ISLR2: variants seen among roughly 807,000 people sequenced by gnomAD.
ISLR2 encodes immunoglobulin superfamily containing leucine-rich repeat protein 2.
Under a neutral mutation model 25.5 loss-of-function variants are expected in ISLR2, and 16 were observed. The ratio of observed to expected loss-of-function variants is 0.63; its 90% CI spans 0.43 to 0.95. The LOEUF is 0.95. Among genes scored for constraint, ISLR2 ranks in the 40% least tolerant of loss-of-function variants. ISLR2 has a pLI of 0.00. For synonymous variants in ISLR2, 508 were observed against 486.6 expected, an observed-to-expected ratio of 1.04 and a Z score of -0.58; for missense variants, 883 against 1,030.7, an observed-to-expected ratio of 0.86 and a Z score of 1.96.
chr15:74,103,915 G>A (rs1159101298), intron 2 of ISLR2: 2 of 151,544 alleles, frequency 1.3e-5, no homozygotes, highest in Non-Finnish European at 2.9e-5. Context: ...TGCCATAATT[G>A]TAAGTTTCCT....
At chr15:74,118,935 G>A (rs2072232009) in intron 2 of ISLR2, among the ~76,000 whole-genome samples, 1 of 152,080 alleles carries the variant, frequency 6.6e-6, no homozygotes, top group Non-Finnish European at 1.5e-5. Flanking sequence ...CGGATTACCA[G>A]TCTGAGCCAC....
In ISLR2 at chr15:74,133,454, A is replaced by G. The variant is rs2072476796; in HGVS notation, c.700A>G (p.Ser234Gly). 1 of 1,611,376 alleles carries G rather than the reference A, an allele frequency of 6.2e-7. No individual in the cohort carries two copies. The highest frequency in any genetic ancestry group is 1.3e-5 in the African/African-American group (1 of 74,910). Reference sequence around the variant, plus strand: ...GCCCGCCCTGCCCTGTGCACCGCCCAGCGTGCATCTGAGTGCCGAGCCACC... The same window carrying G: ...GCCCGCCCTGCCCTGTGCACCGCCCGGCGTGCATCTGAGTGCCGAGCCACC... Reference protein sequence around the residue: ...RLPALPCAPPSVHLSAEPPLE... With the variant: ...RLPALPCAPPGVHLSAEPPLE... Residue 234 changes from serine (S) to glycine (G), a missense_variant, in exon 3 of 3, where the codon AGC becomes GGC. Physicochemically the swap from Ser to Gly is moderately conservative, Grantham distance 56. Transcript: ENST00000453268.
downstream of ISLR2, among the ~76,000 whole-genome samples, chr15:74,138,053 T>C (rs2072587163): frequency 6.6e-6 from 1 of 152,168 alleles, no homozygotes; most frequent in South Asian, 2.1e-4. Flanking sequence ...ATTCACATAA[T>C]GCTTTGTTCC....
At position 74,132,772 on chromosome 15, in the gene ISLR2, C is replaced by T; in HGVS notation, c.18C>T (p.Ala6=). The part of the protein sequence containing the change: MFPLR[A]LWLVWALLGV... The stretch of plus-strand genomic sequence containing the variant: ...GAGCCGCGATGTTCCCCCTTCGGGC[C>T]CTGTGGTTGGTCTGGGCGCTTCTAG... The change falls in exon 3 of 3, where the codon GCC becomes GCT. Residue 6 remains alanine (A), a synonymous_variant. Transcript: ENST00000453268. This position sits in a 1 kb window ranked among gnomAD's most constrained non-coding sequence, Gnocchi z 4.3. 6.2e-7 allele frequency: 1 copy of T among 1,610,960 alleles called. No individual in the cohort carries two copies. Among genetic ancestry groups the T allele is most frequent in the South Asian group, 1.1e-5 (1 of 91,056 alleles).
upstream of ISLR2, among the ~76,000 whole-genome samples, chr15:74,124,639 A>G (rs1426083910): frequency 6.6e-6 from 1 of 152,118 alleles, no homozygotes; most frequent in Non-Finnish European, 1.5e-5. Context: ...CGCACCTGTA[A>G]TCCAAGCAAC....
At chr15:74,137,933 T>C (rs1010665738), downstream of ISLR2, among the ~76,000 whole-genome samples, 1 of 152,156 alleles carries the variant, frequency 6.6e-6, no homozygotes, top group African/African-American at 2.4e-5. Flanking sequence ...CCAGCAAAGC[T>C]GTTTTCTTTC....
chr15:74,134,537 G>A lies in ISLR2; in HGVS notation c.1783G>A (p.Ala595Thr), dbSNP rs770825113. The change falls in exon 3 of 3, where the codon GCA (alanine) becomes ACA (threonine). Residue 595 changes from alanine (A) to threonine (T), a missense_variant. Physicochemically the swap from Ala to Thr is moderately conservative, Grantham distance 58. Transcript: ENST00000453268. ...GCTCCCATCGCTGCTGGTCATAGTGGCAGTGAGCGTATTCCTCCTGGTGCT... is the reference window on the plus strand; with the variant it reads ...GCTCCCATCGCTGCTGGTCATAGTGACAGTGAGCGTATTCCTCCTGGTGCT... ...KELPSLLVIV[A>T]VSVFLLVLAT... is the part of the protein sequence containing the mutation. 2 of 1,614,010 alleles carry A rather than the reference G, an allele frequency of 1.2e-6. No homozygotes were observed. The highest frequency in any genetic ancestry group is 1.1e-5 in the South Asian group (1 of 91,092).
chr15:74,114,452 GATA>G (rs1453023165), intron 2 of ISLR2, among the ~76,000 whole-genome samples: 3 of 152,088 alleles, frequency 2.0e-5, no homozygotes, highest in African/African-American at 7.2e-5. Context: ...TAACTTCACT[GATA>G]ATAAGAAAGA....
upstream of ISLR2, among the ~76,000 whole-genome samples, chr15:74,124,940 C>T (rs953652163): frequency 6.6e-6 from 1 of 152,258 alleles, no homozygotes; most frequent in East Asian, 1.9e-4. Context: ...AATCAACAGC[C>T]GGGAAGCCAG....
At chr15:74,119,108 G>A (rs539874486) in intron 2 of ISLR2, among the ~76,000 whole-genome samples, 1 of 152,212 alleles carries the variant, frequency 6.6e-6, no homozygotes, top group East Asian at 1.9e-4. Flanking sequence ...TGGGGGCATT[G>A]AAAATCCACT....
At chr15:74,118,115 C>T (rs1048123722) in intron 2 of ISLR2, among the ~76,000 whole-genome samples, 2 of 152,030 alleles carry the variant, frequency 1.3e-5, no homozygotes, top group Non-Finnish European at 2.9e-5. Context: ...CCCTAAGTGT[C>T]GGCTGGTCTG....
chr15:74,135,554 T>C lies in ISLR2; in HGVS notation c.*562T>C, dbSNP rs1352038734. 2 of 161,764 alleles carry C rather than the reference T, an allele frequency of 1.2e-5. No homozygotes were observed. Among genetic ancestry groups the C allele is most frequent in the Non-Finnish European group, 2.9e-5 (2 of 68,130 alleles). The allele number at this position is 161,764 out of a possible 1,614,324, so 10.0% of individuals were successfully genotyped here. On this transcript the variant is annotated 3_prime_UTR_variant, in exon 3 of 3. Coordinates refer to ENST00000453268, the MANE Select transcript of ISLR2 (RefSeq NM_020851.3). ...GTCTTGGTCTGTCGCCAGGCTGGAG[T>C]GCAGTGGCGCGATCTCGGCTCACTG... is the stretch of plus-strand genomic sequence containing the variant.
In ISLR2 at chr15:74,107,740, G is replaced by A. The variant is rs965707845; in HGVS notation, n.228+3826G>A. Reference sequence around the variant, plus strand: ...CCTCCTTGACCTTTTCAGAGCTATCGTCCCCACTTTCATTTTCTACCTATC... The same window carrying A: ...CCTCCTTGACCTTTTCAGAGCTATCATCCCCACTTTCATTTTCTACCTATC... On this transcript the variant is annotated intron_variant and non_coding_transcript_variant, in intron 2 of 3. Transcript: ENST00000561975. Among the ~76,000 whole-genome samples the A allele has an allele frequency of 3.3e-5, 5 of 152,254 alleles. No individual in the cohort carries two copies. The South Asian group carries it at 6.2e-4, about 19-fold the overall frequency.
chr15:74,131,508 G>A (rs1050725104), intron 2 of ISLR2, among the ~76,000 whole-genome samples, 192 bp downstream of exon 2: 7 of 152,174 alleles, frequency 4.6e-5, no homozygotes, highest in Admixed American at 4.6e-4. Flanking sequence ...GAGGGGCTCT[G>A]CCAAACCTGA....
At chr15:74,130,139 G>A (rs1003749673), upstream of ISLR2, 2 of 150,420 alleles carry the variant, frequency 1.3e-5, no homozygotes, top group African/African-American at 2.5e-5. Flanking sequence ...GGCTGGGGAG[G>A]GGGGTGTCCC....
At position 74,132,672 on chromosome 15, in the gene ISLR2, C is replaced by T; in HGVS notation, c.-8-75C>T. 6.6e-7 allele frequency: 1 copy of T among 1,513,548 alleles called. No homozygotes were observed. Among genetic ancestry groups the T allele is most frequent in the Non-Finnish European group, 8.8e-7 (1 of 1,130,784 alleles). The allele number at this position is 1,513,548 out of a possible 1,614,324, so 93.8% of individuals were successfully genotyped here. A position where few individuals can be genotyped will look rare whatever the true frequency, so the allele number is the denominator to read the frequency against. ...CTAGTGCTAAACGGGCTTGCGGAGG[C>T]ACAGCTTGATAGGGGAGGTAAGCTG... On this transcript the variant is annotated intron_variant, in intron 2 of 2. Coordinates refer to ENST00000453268, the MANE Select transcript of ISLR2 (RefSeq NM_020851.3). The surrounding 1 kb of genome is among the most constrained non-coding windows in gnomAD (Gnocchi z 4.3).
intron 1 of ISLR2, among the ~76,000 whole-genome samples, chr15:74,101,026 T>C (rs2072080435): frequency 1.5e-5 from 1 of 67,588 alleles, no homozygotes; most frequent in Non-Finnish European, 2.9e-5. Flanking sequence ...ACAACAAAAA[T>C]ACATTAAAGA....
chr15:74,116,089 C>T (rs1231589996), intron 2 of ISLR2, among the ~76,000 whole-genome samples: 1 of 151,516 alleles, frequency 6.6e-6, no homozygotes, highest in Non-Finnish European at 1.5e-5. Context: ...CCCAGCTACT[C>T]AGGAGGCTGA....
At chr15:74,122,580 C>G (rs1413786634) in intron 2 of ISLR2, among the ~76,000 whole-genome samples, 1 of 152,256 alleles carries the variant, frequency 6.6e-6, no homozygotes, top group African/African-American at 2.4e-5. Context: ...TTTCCTACTT[C>G]CCCTTCTCTC....
Sources: allele counts gnomAD v4.1 joint callset (sites outside exome capture counted in the v4.1 genomes callset), GRCh38; gene constraint gnomAD v4.1.1; non-coding constraint Gnocchi (gnomAD v3.1); transcripts MANE v1.5; gene names NCBI Gene and HGNC (gene_info 2026-07-23, HGNC 2026-07-21).